EEA1: variants seen among roughly 807,000 people sequenced by gnomAD.
EEA1 encodes the protein early endosome antigen 1, 162kD.
Under a neutral mutation model 209.2 loss-of-function variants are expected in EEA1, and 111 were observed. The ratio of observed to expected loss-of-function variants is 0.53; its 90% CI spans 0.45 to 0.62. The LOEUF is 0.62. Among genes scored for constraint, EEA1 ranks in the 20% least tolerant of loss-of-function variants. EEA1 has a pLI of 0.00. For synonymous variants in EEA1, 536 were observed against 540.6 expected, an observed-to-expected ratio of 0.99 and a Z score of 0.12; for missense variants, 1,343 against 1,530.8, an observed-to-expected ratio of 0.88 and a Z score of 2.05.
chr12:92,893,115 T>C (rs1879728890), intron 1 of EEA1, among the ~76,000 whole-genome samples: 1 of 152,242 alleles, frequency 6.6e-6, no homozygotes, highest in Admixed American at 6.5e-5. Context: ...CTTTTCCCCC[T>C]GTACCATTTA....
chr12:92,906,005 C>T (rs1438787420), intron 1 of EEA1, among the ~76,000 whole-genome samples: 2 of 152,010 alleles, frequency 1.3e-5, no homozygotes, highest in African/African-American at 2.4e-5. Flanking sequence ...TTCCTGGGCT[C>T]AAGCCATCCT....
At chr12:92,922,649 A>C (rs1322498471) in intron 1 of EEA1, among the ~76,000 whole-genome samples, 2 of 152,192 alleles carry the variant, frequency 1.3e-5, no homozygotes. Flanking sequence ...ATAACAAAGA[A>C]AGACAACAAA....
chr12:92,853,402 T>G (rs562569222), intron 6 of EEA1, among the ~76,000 whole-genome samples: 4 of 152,252 alleles, frequency 2.6e-5, no homozygotes, highest in African/African-American at 7.2e-5. Context: ...TGATCTTAAA[T>G]TCCTGGGTTC....
chr12:92,866,720 T>C (rs925383349), intron 2 of EEA1, among the ~76,000 whole-genome samples: 3 of 152,174 alleles, frequency 2.0e-5, no homozygotes, highest in Admixed American at 6.5e-5. Context: ...AGAATTCTTC[T>C]GGATCTTTAA....
Position 92,801,621 on chromosome 12 carries a change from C to T in EEA1, c.2751G>A (p.Lys917=). 3 of 1,588,294 alleles carry T rather than the reference C, an allele frequency of 1.9e-6. No individual in the cohort carries two copies. The highest frequency in any genetic ancestry group is 1.8e-5 in the Admixed American group (1 of 55,268). ...NTLKEQKELK[K]SLEKEKEASH... is the part of the protein sequence containing the mutation. ...TTACCTCCTTCTCTTTTTCAAGTGA[C>T]TTTTTCAGTTCCTTCTGTTCCTTAA... The change falls in exon 20 of 29, where the codon AAG becomes AAA. Residue 917 remains lysine (K), a synonymous_variant. Transcript: ENST00000322349.
At chr12:92,921,996 C>T (rs1036438533) in intron 1 of EEA1, among the ~76,000 whole-genome samples, 2 of 151,836 alleles carry the variant, frequency 1.3e-5, no homozygotes, top group African/African-American at 4.8e-5. Context: ...GTTTCTATTC[C>T]CTTACTTCCT....
chr12:92,924,604 C>T (rs1317737178), intron 1 of EEA1, among the ~76,000 whole-genome samples: 1 of 151,960 alleles, frequency 6.6e-6, no homozygotes, highest in East Asian at 1.9e-4. Context: ...AGTAACTTCT[C>T]CAAAACTACA....
chr12:92,797,969 A>G (rs1209909639), intron 21 of EEA1, among the ~76,000 whole-genome samples: 1 of 152,184 alleles, frequency 6.6e-6, no homozygotes, highest in Non-Finnish European at 1.5e-5. Flanking sequence ...GGATTCTACT[A>G]TCTTCTCCAT....
At chr12:92,802,025 T>C (rs1245236707) in intron 19 of EEA1, among the ~76,000 whole-genome samples, 3 of 152,118 alleles carry the variant, frequency 2.0e-5, no homozygotes, top group East Asian at 3.9e-4. Flanking sequence ...ACTACTTTTA[T>C]AGCAATGGGC....
At chr12:92,903,203 C>G (rs958085685) in intron 1 of EEA1, among the ~76,000 whole-genome samples, 5 of 151,728 alleles carry the variant, frequency 3.3e-5, no homozygotes, top group African/African-American at 1.2e-4. Flanking sequence ...TCCCAAAGTG[C>G]TGGGATTACA....
chr12:92,867,015 T>C (rs1176551930), intron 2 of EEA1, among the ~76,000 whole-genome samples: 1 of 152,170 alleles, frequency 6.6e-6, no homozygotes, highest in South Asian at 2.1e-4. Flanking sequence ...GAAACAGTGC[T>C]CCTATATCCA....
intron 18 of EEA1, among the ~76,000 whole-genome samples, chr12:92,804,991 G>A (rs1341554574): frequency 6.6e-6 from 1 of 152,118 alleles, no homozygotes; most frequent in Non-Finnish European, 1.5e-5. Flanking sequence ...TACCCCAATA[G>A]GATGTGGGAG....
intron 3 of EEA1, chr12:92,858,331 G>C: frequency 1.3e-6 from 1 of 783,820 alleles, no homozygotes; most frequent in East Asian, 2.4e-5. Context: ...AAAATGCTTC[G>C]TGAAGCTATT....
At chr12:92,860,252 G>C (rs1276724049) in intron 3 of EEA1, among the ~76,000 whole-genome samples, 1 of 152,146 alleles carries the variant, frequency 6.6e-6, no homozygotes, top group African/African-American at 2.4e-5. Context: ...GCACACTTTA[G>C]TACCAGATAA....
At chr12:92,922,244 T>C (rs1881038285) in intron 1 of EEA1, among the ~76,000 whole-genome samples, 1 of 152,176 alleles carries the variant, frequency 6.6e-6, no homozygotes, top group African/African-American at 2.4e-5. Context: ...TTCCCCAACA[T>C]TTTCTTCCTC....
At chr12:92,829,883 G>C (rs1378905574) in intron 11 of EEA1, among the ~76,000 whole-genome samples, 1 of 148,924 alleles carries the variant, frequency 6.7e-6, no homozygotes, top group East Asian at 2.0e-4. Context: ...GTCTATTAAA[G>C]AAAGACATAA....
intron 9 of EEA1, among the ~76,000 whole-genome samples, chr12:92,843,221 G>A (rs1022705455): frequency 3.3e-5 from 5 of 151,974 alleles, no homozygotes; most frequent in African/African-American, 9.7e-5. Context: ...GAAGTGGTAC[G>A]ATCACAGCTC....
intron 14 of EEA1, 37 bp downstream of exon 14, chr12:92,819,271 G>A (rs757216502): frequency 6.7e-6 from 10 of 1,502,668 alleles, no homozygotes; most frequent in Non-Finnish European, 8.1e-6. Context: ...AGAGACAGAA[G>A]TAAATTTTAC....
chr12:92,910,621 GAATT>G (rs1264748487), intron 1 of EEA1, among the ~76,000 whole-genome samples: 2 of 151,996 alleles, frequency 1.3e-5, no homozygotes, highest in African/African-American at 2.4e-5. Context: ...ATGAAAGAAA[GAATT>G]AATAAGCTGG....
Sources: allele counts gnomAD v4.1 joint callset (sites outside exome capture counted in the v4.1 genomes callset), GRCh38; gene constraint gnomAD v4.1.1; transcripts MANE v1.5; gene names NCBI Gene and HGNC (gene_info 2026-07-23, HGNC 2026-07-21).